The following WDHD1 variants were observed in gnomAD, a reference collection of about 807,000 sequenced individuals.
WDHD1 encodes WD repeat and HMG-box DNA binding protein 1.
Under a neutral mutation model 135.4 loss-of-function variants are expected in WDHD1, and 111 were observed. The observed-to-expected ratio is 0.82, with a 90% CI of 0.70 to 0.96. The LOEUF (loss-of-function observed/expected upper bound fraction) is 0.96. Ranked by LOEUF, WDHD1 falls within the 40% of genes least tolerant of loss-of-function variation. The probability of loss-of-function intolerance (pLI) is 0.00; values close to 1 mark genes in which losing one functional copy is unlikely to be tolerated. For missense variants in WDHD1, 1,351 were observed against 1,336.3 expected (o/e 1.01, Z -0.17); for synonymous variants, 434 against 439.0 (o/e 0.99, Z 0.14).
In WDHD1 at chr14:54,941,610, A is replaced by T. The variant is rs1566699290; in HGVS notation, c.3270T>A (p.Ser1090Arg). Residue 1090 changes from serine (S) to arginine (R), a missense_variant, in exon 26 of 26, where the codon AGT (serine) becomes AGA (arginine). Physicochemically the swap from Ser to Arg is moderately radical, Grantham distance 110 (BLOSUM62 -1). Coordinates refer to ENST00000360586, the MANE Select transcript of WDHD1 (RefSeq NM_007086.4). ...TTTCTTCCTGGTTTTCTGTTTCATC[A>T]CTTTCATCAACCACACGTTTTCGCT... ...AKKRKRVVDE[S>R]DETENQEEKA... 6.2e-7 allele frequency: 1 copy of T among 1,613,952 alleles called. No homozygotes were observed. Among genetic ancestry groups the T allele is most frequent in the East Asian group, 2.2e-5 (1 of 44,862 alleles).
At chr14:55,010,286 T>C (rs758453678) in intron 4 of WDHD1, 23 bp downstream of exon 4, 1 of 1,553,864 alleles carries the variant, frequency 6.4e-7, no homozygotes, top group Non-Finnish European at 8.7e-7. Flanking sequence ...ATTATTTCCT[T>C]TTCTGATGTC....
chr14:55,002,956 G>T (rs1364464730), intron 7 of WDHD1, among the ~76,000 whole-genome samples: 1 of 151,926 alleles, frequency 6.6e-6, no homozygotes, highest in Non-Finnish European at 1.5e-5. Context: ...TTTGTTTGAG[G>T]AAAATAAAGA....
chr14:55,000,800 G>T, intron 9 of WDHD1, 86 bp downstream of exon 9: 1 of 1,167,736 alleles, frequency 8.6e-7, no homozygotes, highest in Non-Finnish European at 1.1e-6. Flanking sequence ...ACAATCTGAT[G>T]GCAAATTTGA....
chr14:54,987,994 A>T lies in WDHD1; in HGVS notation c.1527-607T>A, dbSNP rs116598172. Among the ~76,000 whole-genome samples, 980 of 152,366 alleles carry T rather than the reference A, an allele frequency of 6.4e-3. 12 individuals are homozygous for T. The highest frequency in any genetic ancestry group is 0.022 in the African/African-American group (915 of 41,586). On this transcript the variant is annotated intron_variant, in intron 13 of 25. Coordinates refer to ENST00000360586, the MANE Select transcript of WDHD1 (RefSeq NM_007086.4). ...CATGAAGTGTATCAGTACTATAATC[A>T]GCTGAAGAAGGGATCAAGAGAGGGC...
intron 21 of WDHD1, 31 bp from the exon 22 acceptor site, chr14:54,957,666 A>G: frequency 1.9e-6 from 3 of 1,573,710 alleles, no homozygotes; most frequent in Admixed American, 1.9e-5. Flanking sequence ...TTGCTTAATA[A>G]TGGTAGAAAA....
intron 10 of WDHD1, among the ~76,000 whole-genome samples, chr14:54,999,305 T>TA (rs200424035): frequency 0.025 from 3,758 of 152,274 alleles, 67 homozygotes; most frequent in South Asian, 0.04. Flanking sequence ...TCATCTTTTC[T>TA]AAAAAAACAA....
At position 54,941,519 on chromosome 14, in the gene WDHD1, G is replaced by C. The variant is rs917388036; in HGVS notation, c.3361C>G (p.Leu1121Val). 2 of 1,612,584 alleles carry C rather than the reference G, an allele frequency of 1.2e-6. No homozygotes were observed. Among genetic ancestry groups the C allele is most frequent in the African/African-American group, 2.7e-5 (2 of 74,804 alleles). ...KPLDFSTNQK[L>V]SAFAFKQE Reference sequence around the variant, plus strand: ...TCCTGCTTAAATGCAAAAGCTGATAGTTTCTGATTTGTAGAAAAATCTAAA... The same window carrying C: ...TCCTGCTTAAATGCAAAAGCTGATACTTTCTGATTTGTAGAAAAATCTAAA... Residue 1121 changes from leucine to valine, a missense_variant, in exon 26 of 26, where the codon CTA becomes GTA. This residue lies in a region of WDHD1 where 1,330 missense variants were observed against 1,296.1 expected (regional missense o/e 1.03). Coordinates refer to ENST00000360586, the MANE Select transcript of WDHD1 (RefSeq NM_007086.4).
chr14:55,009,908 C>T (rs1037997088), intron 4 of WDHD1, among the ~76,000 whole-genome samples: 33 of 152,046 alleles, frequency 2.2e-4, no homozygotes, highest in African/African-American at 8.0e-4. Context: ...GCAACCTCTG[C>T]CTCCTAGGTT....
intron 7 of WDHD1, among the ~76,000 whole-genome samples, chr14:55,002,784 G>A (rs2041998168): frequency 6.6e-6 from 1 of 151,670 alleles, no homozygotes; most frequent in African/African-American, 2.4e-5. Context: ...TGTAGAGATG[G>A]GGTCTCACTG....
At chr14:54,980,802 T>TA (rs375441329) in intron 16 of WDHD1, among the ~76,000 whole-genome samples, 10,611 of 83,322 alleles carry the variant, frequency 0.13, 850 homozygotes, top group African/African-American at 0.2. Context: ...AGACTCCACA[T>TA]AAAAAAAAAA....
chr14:54,982,736 T>C (rs1231231297), intron 15 of WDHD1, among the ~76,000 whole-genome samples: 1 of 152,164 alleles, frequency 6.6e-6, no homozygotes, highest in African/African-American at 2.4e-5. Flanking sequence ...GAATGACTAA[T>C]AGAAAACACA....
intron 21 of WDHD1, among the ~76,000 whole-genome samples, chr14:54,961,042 T>C (rs1014241716): frequency 2.0e-5 from 3 of 152,168 alleles, no homozygotes; most frequent in African/African-American, 7.2e-5. Context: ...TGGTCTCAAG[T>C]GATCCTTCCA....
intron 24 of WDHD1, among the ~76,000 whole-genome samples, chr14:54,945,763 A>G (rs1452246604): frequency 6.6e-6 from 1 of 151,862 alleles, no homozygotes; most frequent in Non-Finnish European, 1.5e-5. Flanking sequence ...TGGGTCTCGA[A>G]CTCCTGACCT....
chr14:54,992,787 A>G (rs2041812876), intron 11 of WDHD1, among the ~76,000 whole-genome samples: 1 of 152,126 alleles, frequency 6.6e-6, no homozygotes, highest in Non-Finnish European at 1.5e-5. Context: ...GGTGGCATGC[A>G]TCTGTAGTCC....
intron 21 of WDHD1, among the ~76,000 whole-genome samples, chr14:54,961,665 T>G (rs1272665479): frequency 6.6e-6 from 1 of 152,172 alleles, no homozygotes. Flanking sequence ...TCTTTTCATA[T>G]TCTACATGTT....
intron 17 of WDHD1, among the ~76,000 whole-genome samples, chr14:54,967,048 T>C (rs1188637625): frequency 6.6e-6 from 1 of 152,206 alleles, no homozygotes; most frequent in African/African-American, 2.4e-5. Flanking sequence ...CTTTCCCCAG[T>C]GGGTCTCTGA....
chr14:54,992,943 C>T (rs1048673079), intron 11 of WDHD1, among the ~76,000 whole-genome samples: 21 of 151,708 alleles, frequency 1.4e-4, no homozygotes, highest in African/African-American at 5.1e-4. Flanking sequence ...TTAAAAACAA[C>T]ATATAATTAA....
intron 24 of WDHD1, among the ~76,000 whole-genome samples, chr14:54,955,199 T>C (rs1166820695): frequency 6.6e-6 from 1 of 152,192 alleles, no homozygotes; most frequent in Non-Finnish European, 1.5e-5. Flanking sequence ...GCAGTGATTG[T>C]TTTTGGAGAC....
chr14:55,010,457 C>T lies in WDHD1; in HGVS notation c.193G>A (p.Gly65Arg), dbSNP rs780639683. 2 of 1,564,776 alleles carry T rather than the reference C, an allele frequency of 1.3e-6. No individual in the cohort carries two copies. Among genetic ancestry groups the T allele is most frequent in the Non-Finnish European group, 1.7e-6 (2 of 1,158,206 alleles). Residue 65 changes from glycine (G) to arginine (R), a missense_variant, in exon 4 of 26, where the codon GGA (glycine) becomes AGA (arginine). By Grantham distance (125) the Gly-to-Arg change is moderately radical. Coordinates refer to ENST00000360586, the MANE Select transcript of WDHD1 (RefSeq NM_007086.4). ...EKAYSCALKS[G>R]KLVTAVSNNT... Reference sequence around the variant, plus strand: ...TTAGAAACTGCAGTGACCAGTTTTCCACTCTAAAAGAAAAATTAAGGTAAG... The same window carrying T: ...TTAGAAACTGCAGTGACCAGTTTTCTACTCTAAAAGAAAAATTAAGGTAAG...
Sources: gnomAD v4.1 joint callset for allele counts (sites outside exome capture counted in the v4.1 genomes callset) on GRCh38, gnomAD v4.1.1 for gene constraint, gnomAD v4.1.1 regional missense constraint, MANE v1.5 for transcripts, NCBI Gene and HGNC (gene_info 2026-07-23, HGNC 2026-07-21) for gene names.